The following BBS9 variants were observed in gnomAD, a reference collection of about 807,000 sequenced individuals.
The protein encoded by BBS9 is protein PTHB1.
Under a neutral mutation model 117.7 loss-of-function variants are expected in BBS9, and 89 were observed. The ratio of observed to expected loss-of-function variants is 0.76; its 90% CI spans 0.64 to 0.90. The LOEUF (loss-of-function observed/expected upper bound fraction) is 0.90. BBS9 is among the 40% of genes least tolerant of loss of function. The probability of loss-of-function intolerance (pLI) is 0.00; values close to 1 mark genes in which losing one functional copy is unlikely to be tolerated. For synonymous variants in BBS9, 379 were observed against 370.9 expected, an observed-to-expected ratio of 1.02 and a Z score of -0.25; for missense variants, 982 against 1,042.2, an observed-to-expected ratio of 0.94 and a Z score of 0.80.
chr7:33,623,985 TAA>T (rs57482020), intron 21 of BBS9, among the ~76,000 whole-genome samples: 20 of 83,008 alleles, frequency 2.4e-4, no homozygotes, highest in East Asian at 1.9e-3. Flanking sequence ...ATTCTATTAT[TAA>T]AAAAAAAAAA....
chr7:33,579,391 CTTAT>C (rs1164304929), intron 21 of BBS9, among the ~76,000 whole-genome samples: 1 of 152,030 alleles, frequency 6.6e-6, no homozygotes, highest in Non-Finnish European at 1.5e-5. Flanking sequence ...TCAAGTTGGT[CTTAT>C]TTATTTGTGT....
At chr7:33,382,344 C>T (rs1825202213) in intron 17 of BBS9, among the ~76,000 whole-genome samples, 2 of 151,622 alleles carry the variant, frequency 1.3e-5, no homozygotes. Context: ...CCTATAATCC[C>T]AGTTGTTTGG....
At chr7:33,501,587 A>G (rs145241230) in intron 19 of BBS9, among the ~76,000 whole-genome samples, 8 of 152,356 alleles carry the variant, frequency 5.3e-5, no homozygotes, top group African/African-American at 9.6e-5. Flanking sequence ...TCATTCTTCC[A>G]TAACAGCTGT....
rs1864499128 is a variant in BBS9 at position 33,605,791 on chromosome 7, A to G, written c.*565A>G. On this transcript the variant is annotated 3_prime_UTR_variant, in exon 23 of 23. Transcript: ENST00000242067. ...AGAACCACTATGAAACTTTCATGTGATTTGTTCTATTAAGCTAAACGTGGA... is the reference window on the plus strand; with the variant it reads ...AGAACCACTATGAAACTTTCATGTGGTTTGTTCTATTAAGCTAAACGTGGA... 1.3e-5 allele frequency: 2 copies of G among 157,388 alleles called. No individual in the cohort carries two copies. The highest frequency in any genetic ancestry group is 1.2e-4 in the Admixed American group (2 of 16,472). The allele number at this position is 157,388 out of a possible 1,614,324, so 9.7% of individuals were successfully genotyped here. A position where few individuals can be genotyped will look rare whatever the true frequency, so the allele number is the denominator to read the frequency against.
intron 13 of BBS9, among the ~76,000 whole-genome samples, chr7:33,351,008 T>G (rs141974885): frequency 2.1e-3 from 313 of 152,350 alleles, no homozygotes; most frequent in African/African-American, 7.2e-3. Flanking sequence ...GCAAGCTTCT[T>G]AATCTCTCTG....
At position 33,386,522 on chromosome 7, in the gene BBS9, G is replaced by T. The variant is rs1429322561; in HGVS notation, c.1963-1470G>T. On this transcript the variant is annotated intron_variant, in intron 18 of 22. Coordinates refer to ENST00000242067, the MANE Select transcript of BBS9 (RefSeq NM_198428.3). ...TTTATTTATTTTGAGACGGGGTCTC[G>T]CTCTGTCGCCCAGGCTGGGGTGCAG... 2.0e-5 allele frequency among the ~76,000 whole-genome samples: 3 copies of T among 150,370 alleles called. No individual in the cohort carries two copies. In the South Asian group the frequency reaches 6.3e-4, roughly 31 times the overall value.
chr7:33,208,314 C>G (rs897166974), intron 5 of BBS9, among the ~76,000 whole-genome samples: 2 of 152,156 alleles, frequency 1.3e-5, no homozygotes, highest in African/African-American at 4.8e-5. Context: ...GACCATTTCC[C>G]TATGATAAAC....
intron 9 of BBS9, among the ~76,000 whole-genome samples, chr7:33,326,692 A>G (rs991798262): frequency 1.3e-5 from 2 of 151,874 alleles, no homozygotes; most frequent in African/African-American, 4.8e-5. Context: ...TTTAATCAGT[A>G]GGTAATGAAA....
At chr7:33,266,604 G>A (rs1046799867) in intron 7 of BBS9, among the ~76,000 whole-genome samples, 53 of 152,014 alleles carry the variant, frequency 3.5e-4, no homozygotes, top group Non-Finnish European at 2.2e-4. Flanking sequence ...GGATGATAGT[G>A]TTGTTCAACT....
chr7:33,203,835 G>A (rs550894385), intron 5 of BBS9, among the ~76,000 whole-genome samples: 1 of 151,636 alleles, frequency 6.6e-6, no homozygotes, highest in Admixed American at 6.6e-5. Context: ...CAATTCTCCT[G>A]CCTCAGCCTC....
intron 9 of BBS9, among the ~76,000 whole-genome samples, chr7:33,310,774 A>G (rs1401750084): frequency 6.6e-6 from 1 of 152,192 alleles, no homozygotes. Context: ...GTGATACATG[A>G]GACAGTCCCC....
chr7:33,345,487 C>T (rs1448088511), intron 12 of BBS9, among the ~76,000 whole-genome samples: 1 of 152,154 alleles, frequency 6.6e-6, no homozygotes, highest in African/African-American at 2.4e-5. Flanking sequence ...CAATTGTGTT[C>T]GCTTACACTG....
At chr7:33,562,481 T>C (rs555308433) in intron 21 of BBS9, among the ~76,000 whole-genome samples, 24 of 152,142 alleles carry the variant, frequency 1.6e-4, no homozygotes, top group Non-Finnish European at 2.4e-4. Context: ...AATTCCTTCT[T>C]CCCCCAAATT....
At chr7:33,604,234 A>T (rs1244030719) in intron 21 of BBS9, among the ~76,000 whole-genome samples, 1 of 152,174 alleles carries the variant, frequency 6.6e-6, no homozygotes, top group Non-Finnish European at 1.5e-5. Flanking sequence ...GATAAAGTCA[A>T]ATGAGTTATA....
intron 17 of BBS9, among the ~76,000 whole-genome samples, chr7:33,374,576 A>T (rs1823461058): frequency 2.6e-5 from 4 of 152,146 alleles, no homozygotes. Flanking sequence ...CTTAGTTGCT[A>T]ATATTGAAGA....
At chr7:33,176,582 C>G (rs1220275219) in intron 4 of BBS9, among the ~76,000 whole-genome samples, 4 of 151,942 alleles carry the variant, frequency 2.6e-5, no homozygotes, top group African/African-American at 7.3e-5. Flanking sequence ...CAAACAAACC[C>G]AAAACAAATA....
At chr7:33,584,824 T>G (rs1473628915) in intron 21 of BBS9, among the ~76,000 whole-genome samples, 2 of 152,222 alleles carry the variant, frequency 1.3e-5, no homozygotes, top group East Asian at 3.9e-4. Flanking sequence ...CTTTGGAAAA[T>G]AGATCTTCCT....
intron 1 of BBS9, among the ~76,000 whole-genome samples, chr7:33,140,128 C>T (rs1398296944): frequency 2.6e-5 from 4 of 152,054 alleles, no homozygotes; most frequent in African/African-American, 7.2e-5. Flanking sequence ...TGGTTCATGC[C>T]GTTCTCCTGC....
chr7:33,474,704 T>C (rs1841557079), intron 19 of BBS9, among the ~76,000 whole-genome samples: 2 of 152,132 alleles, frequency 1.3e-5, no homozygotes, highest in African/African-American at 4.8e-5. Flanking sequence ...TCGCAGCACT[T>C]TGGGAGGCTG....
Sources: allele counts gnomAD v4.1 joint callset (sites outside exome capture counted in the v4.1 genomes callset), GRCh38; gene constraint gnomAD v4.1.1; transcripts MANE v1.5; gene names NCBI Gene and HGNC (gene_info 2026-07-23, HGNC 2026-07-21).